Variants in CDK12 observed in about 807,000 individuals in gnomAD.
CDK12 encodes cyclin-dependent kinase 12.
Under a neutral mutation model 133.8 loss-of-function variants are expected in CDK12, and 17 were observed. The ratio of observed to expected loss-of-function variants is 0.13; its 90% confidence interval spans 0.09 to 0.19. The LOEUF is 0.19. CDK12 is among the 10% of genes least tolerant of loss of function. The pLI, the probability that CDK12 is intolerant of heterozygous loss-of-function variation, is 1.00. For synonymous variants in CDK12, 694 were observed against 683.6 expected (o/e 1.02, Z -0.24); for missense variants, 1,508 against 1,818.7 (o/e 0.83, Z 3.11).
Position 39,521,700 on chromosome 17 carries a change from T to G in CDK12, c.3095+1613T>G, listed in dbSNP as rs200309279. Among the ~76,000 whole-genome samples the G allele has an allele frequency of 1.7e-4, 26 of 152,140 alleles. No homozygotes were observed. In the East Asian group the frequency reaches 4.9e-3, roughly 28 times the overall value. ...CCAGCCTACTGAGTAGCTGGGATTA[T>G]AGGCGCAGGCCACCACGCCCGACTA... On this transcript the variant is annotated intron_variant, in intron 11 of 13. Coordinates refer to ENST00000447079, the MANE Select transcript of CDK12 (RefSeq NM_016507.4).
At chr17:39,492,094 C>CT (rs2051663462) in intron 3 of CDK12, among the ~76,000 whole-genome samples, 2 of 137,602 alleles carry the variant, frequency 1.5e-5, no homozygotes, top group Admixed American at 7.2e-5. Context: ...ATTTCATTTT[C>CT]TTTTCTTTTT....
chr17:39,493,164 TTG>T (rs770469739), intron 4 of CDK12, among the ~76,000 whole-genome samples: 1 of 94,598 alleles, frequency 1.1e-5, no homozygotes, highest in Non-Finnish European at 2.5e-5. Flanking sequence ...CGACTAATTT[TTG>T]TTTTTTTTTT....
At chr17:39,543,830 A>G (rs577494923), upstream of CDK12, among the ~76,000 whole-genome samples, 345 of 152,254 alleles carry the variant, frequency 2.3e-3, 2 homozygotes, top group African/African-American at 7.8e-3. Context: ...GTTATGGATG[A>G]GAGAGCCACA....
chr17:39,509,172 A>G (rs2053326477), intron 6 of CDK12, among the ~76,000 whole-genome samples: 1 of 152,066 alleles, frequency 6.6e-6, no homozygotes, highest in African/African-American at 2.4e-5. Context: ...GGCCCAGGAA[A>G]CTGGGTTTCT....
chr17:39,510,602 T>A (rs1342517487), intron 7 of CDK12, among the ~76,000 whole-genome samples: 1 of 151,520 alleles, frequency 6.6e-6, no homozygotes, highest in Non-Finnish European at 1.5e-5. Flanking sequence ...TTCTCTCTTC[T>A]CTTCTCTTCT....
intron 3 of CDK12, among the ~76,000 whole-genome samples, chr17:39,558,554 T>C (rs1438984248): frequency 6.6e-6 from 1 of 152,240 alleles, no homozygotes; most frequent in Non-Finnish European, 1.5e-5. Context: ...ATAAGGCTCA[T>C]CCCCTATTTT....
intron 12 of CDK12, 62 bp from the exon 13 acceptor site, chr17:39,525,802 A>G: frequency 1.0e-5 from 13 of 1,304,220 alleles, no homozygotes; most frequent in South Asian, 1.4e-5. Flanking sequence ...TGCCAGTTGA[A>G]GAAGGCAAAG....
intron 5 of CDK12, among the ~76,000 whole-genome samples, chr17:39,500,679 T>C (rs2052653384): frequency 6.6e-6 from 1 of 151,730 alleles, no homozygotes; most frequent in Admixed American, 6.6e-5. Flanking sequence ...CCTGCCCCCA[T>C]GAAGAGGTGA....
At chr17:39,518,521 T>C (rs2053956895) in intron 10 of CDK12, among the ~76,000 whole-genome samples, 1 of 152,098 alleles carries the variant, frequency 6.6e-6, no homozygotes, top group Non-Finnish European at 1.5e-5. Flanking sequence ...TTCTTACTTT[T>C]TTCCCTCTCT....
At chr17:39,485,169 C>CAAA (rs564188686) in intron 2 of CDK12, among the ~76,000 whole-genome samples, 21 of 75,032 alleles carry the variant, frequency 2.8e-4, no homozygotes, top group South Asian at 8.5e-4. Flanking sequence ...GACTCTGTCT[C>CAAA]AAAAAAAAAA....
At chr17:39,489,198 A>G (rs1053017655) in intron 2 of CDK12, among the ~76,000 whole-genome samples, 1 of 150,604 alleles carries the variant, frequency 6.6e-6, no homozygotes. Context: ...CTCCTGCCTC[A>G]GCCTCCTGAG....
rs764318749 is a variant in CDK12, at chr17:39,462,188, A to G, written c.117A>G (p.Val39=). ...ACAGCAGAGAGCGTCACCGCTTGGTATCGAAGCACAAGCGGCATAAGTCCA... is the reference window on the plus strand; with the variant it reads ...ACAGCAGAGAGCGTCACCGCTTGGTGTCGAAGCACAAGCGGCATAAGTCCA... The part of the protein sequence containing the change: ...SSNSRERHRL[V]SKHKRHKSKH... Residue 39 remains valine, a synonymous_variant, in exon 1 of 14, where the codon GTA becomes GTG. Transcript: ENST00000447079. The G allele has an allele frequency of 8.7e-6, 14 of 1,614,208 alleles. No homozygotes were observed. Among genetic ancestry groups the G allele is most frequent in the African/African-American group, 1.3e-5 (1 of 75,064 alleles).
intron 5 of CDK12, among the ~76,000 whole-genome samples, chr17:39,497,228 G>A (rs893460540): frequency 1.3e-5 from 2 of 152,154 alleles, no homozygotes; most frequent in East Asian, 1.9e-4. Context: ...CACTGTACCC[G>A]GCCAAGTATA....
At chr17:39,498,873 C>CTTTTTTTT (rs1451805838) in intron 5 of CDK12, among the ~76,000 whole-genome samples, 8 of 2,896 alleles carry the variant, frequency 2.8e-3, no homozygotes, top group East Asian at 0.1. Context: ...CTATGATTTT[C>CTTTTTTTT]TCTTTCTTTC....
Position 39,463,055 on chromosome 17 carries a change from T to G in CDK12, c.984T>G (p.Gly328=). ...GCGGGCGATCGCCCAGTCCCTATGGTCGAAGGCGGTCCAGCAGCCCTTTCC... is the reference window on the plus strand; with the variant it reads ...GCGGGCGATCGCCCAGTCCCTATGGGCGAAGGCGGTCCAGCAGCCCTTTCC... The part of the protein sequence containing the change: ...SYSGRSPSPY[G]RRRSSSPFLS... The change falls in exon 1 of 14, where the codon GGT becomes GGG. Residue 328 remains glycine, a synonymous_variant. Coordinates refer to ENST00000447079, the MANE Select transcript of CDK12 (RefSeq NM_016507.4). The G allele has an allele frequency of 6.2e-7, 1 of 1,614,146 alleles. No individual in the cohort carries two copies. Among genetic ancestry groups the G allele is most frequent in the Non-Finnish European group, 8.5e-7 (1 of 1,180,032 alleles).
At chr17:39,538,796 G>A (rs1185410569), downstream of CDK12, among the ~76,000 whole-genome samples, 1 of 152,212 alleles carries the variant, frequency 6.6e-6, no homozygotes, top group Non-Finnish European at 1.5e-5. Flanking sequence ...TTCCCGGGAG[G>A]CTGAGGCAGG....
In CDK12 at chr17:39,530,710, C is replaced by A; in HGVS notation, c.3867C>A (p.Ala1289=). The change falls in exon 14 of 14, where the codon GCC becomes GCA. Residue 1289 remains alanine, a synonymous_variant. Transcript: ENST00000447079. ...TGGTTGAAGGCGATCTTTCCAGCGC[C>A]CCCCAGGAGTTGAACCCAGCCGTGA... ...PPLVEGDLSS[A]PQELNPAVTA... is the part of the protein sequence containing the mutation. 6.2e-7 allele frequency: 1 copy of A among 1,613,950 alleles called. No individual in the cohort carries two copies. Among genetic ancestry groups the A allele is most frequent in the Non-Finnish European group, 8.5e-7 (1 of 1,180,004 alleles).
chr17:39,481,684 CTCTCTCTCTCTCTCTCTCTCTCTCTCTT>C lies in CDK12; in HGVS notation c.1932-8867_1932-8840del, dbSNP rs1567706552. 8.4e-3 allele frequency among the ~76,000 whole-genome samples: 98 copies of C among 11,682 alleles called. 22 individuals carry two copies. The highest frequency in any genetic ancestry group is 0.029 in the South Asian group (4 of 140). 7.7% of individuals were successfully genotyped at this position (11,682 alleles called of 152,430 possible). On this transcript the variant is annotated intron_variant, in intron 2 of 13. Transcript: ENST00000447079. ...TCTCTCTCTCTCTCTCTCTCTCTCT[CTCTCTCTCTCTCTCTCTCTCTCTCTCTT>C]TCTCTTTTCTTTTTTCTTTTTTTTT...
rs1296890938 is a variant in CDK12 at position 39,463,054 on chromosome 17, G to A, written c.983G>A (p.Gly328Asp). 1.2e-6 allele frequency: 2 copies of A among 1,614,200 alleles called. No homozygotes were observed. Among genetic ancestry groups the A allele is most frequent in the Admixed American group, 1.7e-5 (1 of 60,018 alleles). ...SYSGRSPSPY[G>D]RRRSSSPFLS... is the part of the protein sequence containing the mutation. Reference sequence around the variant, plus strand: ...AGCGGGCGATCGCCCAGTCCCTATGGTCGAAGGCGGTCCAGCAGCCCTTTC... The same window carrying A: ...AGCGGGCGATCGCCCAGTCCCTATGATCGAAGGCGGTCCAGCAGCCCTTTC... The change falls in exon 1 of 14, where the codon GGT (glycine) becomes GAT (aspartate). Residue 328 changes from glycine to aspartate, a missense_variant. Around this residue, in one of 9 missense-constraint regions of CDK12, gnomAD observed 460 missense variants for 490.8 expected, o/e 0.94. Transcript: ENST00000447079.
Sources: allele counts gnomAD v4.1 joint callset (sites outside exome capture counted in the v4.1 genomes callset), GRCh38; gene constraint gnomAD v4.1.1; regional missense constraint gnomAD v4.1.1; transcripts MANE v1.5; gene names NCBI Gene and HGNC (gene_info 2026-07-23, HGNC 2026-07-21).